The following ERCC3 variants were observed in gnomAD, a reference collection of about 807,000 sequenced individuals.
ERCC3 encodes ERCC excision repair 3, TFIIH core complex helicase subunit.
Under a neutral mutation model 94.2 loss-of-function variants are expected in ERCC3, and 66 were observed. The observed-to-expected ratio is 0.70, with a 90% CI of 0.57 to 0.86. The LOEUF (loss-of-function observed/expected upper bound fraction) is 0.86, where lower values mean the gene tolerates loss of function less well. Among genes scored for constraint, ERCC3 ranks in the 40% least tolerant of loss-of-function variants. The probability of loss-of-function intolerance (pLI) is 0.00; values close to 1 mark genes in which losing one functional copy is unlikely to be tolerated. For synonymous variants in ERCC3, 349 were observed against 369.1 expected (o/e 0.95, Z 0.63); for missense variants, 829 against 987.1 (o/e 0.84, Z 2.15).
chr2:127,267,010 C>G (rs908800198), intron 12 of ERCC3, among the ~76,000 whole-genome samples: 3 of 152,210 alleles, frequency 2.0e-5, no homozygotes, highest in Non-Finnish European at 2.9e-5. Flanking sequence ...GCCACGGCAC[C>G]AGGCCCATGT....
chr2:127,281,955 G>A (rs1301984882), intron 8 of ERCC3, among the ~76,000 whole-genome samples: 1 of 152,104 alleles, frequency 6.6e-6, no homozygotes, highest in Non-Finnish European at 1.5e-5. Flanking sequence ...AACACTGGGG[G>A]ACATACTGAC....
At position 127,259,660 on chromosome 2, in the gene ERCC3, G is replaced by C; in HGVS notation, c.2065-212C>G. ...CTTGACTAATGATCTCAAGACCAGA[G>C]GGATGCAGGAATTTCAGAGAAATCT... On this transcript the variant is annotated intron_variant, in intron 13 of 14. Coordinates refer to ENST00000285398, the MANE Select transcript of ERCC3 (RefSeq NM_000122.2). This position sits in a 1 kb window ranked among gnomAD's most constrained non-coding sequence, Gnocchi z 4.9. 1.7e-6 allele frequency: 1 copy of C among 601,290 alleles called. No homozygotes were observed. The highest frequency in any genetic ancestry group is 1.9e-5 in the South Asian group (1 of 53,360). The allele number at this position is 601,290 out of a possible 1,614,324, so 37.2% of individuals were successfully genotyped here. A position where few individuals can be genotyped will look rare whatever the true frequency, so the allele number is the denominator to read the frequency against.
intron 8 of ERCC3, among the ~76,000 whole-genome samples, chr2:127,285,573 C>T (rs4150425): frequency 0.013 from 2,019 of 152,248 alleles, 22 homozygotes; most frequent in Non-Finnish European, 0.017. Context: ...ACCTGTAATC[C>T]TAGCTACTCG....
Position 127,271,567 on chromosome 2 carries a change from C to G in ERCC3, c.1828-114G>C. The G allele has an allele frequency of 1.2e-6, 1 of 802,058 alleles. No individual in the cohort carries two copies. The highest frequency in any genetic ancestry group is 2.9e-4 in the Middle Eastern group (1 of 3,436). The allele number at this position is 802,058 out of a possible 1,614,324, so 49.7% of individuals were successfully genotyped here. A position where few individuals can be genotyped will look rare whatever the true frequency, so the allele number is the denominator to read the frequency against. ...TGAAACATAATCACTCTTTTCTCCT[C>G]TTTATACCAGGGTCTATCTGATGCA... On this transcript the variant is annotated intron_variant, in intron 11 of 14. Transcript: ENST00000285398. The surrounding 1 kb of genome is among the most constrained non-coding windows in gnomAD (Gnocchi z 5.0).
At chr2:127,260,107 G>A (rs1684146161) in intron 13 of ERCC3, 1 of 158,820 alleles carries the variant, frequency 6.3e-6, no homozygotes, top group South Asian at 1.8e-4. Context: ...ATTCCTAGAA[G>A]TAAGGATCTG....
At chr2:127,281,311 G>A (rs1471827308) in intron 8 of ERCC3, among the ~76,000 whole-genome samples, 2 of 152,048 alleles carry the variant, frequency 1.3e-5, no homozygotes, top group South Asian at 2.1e-4. Context: ...GGAACTGTTC[G>A]CCCAAGCCCT....
intron 8 of ERCC3, among the ~76,000 whole-genome samples, 174 bp downstream of exon 8, chr2:127,286,529 G>C (rs1685071481): frequency 6.6e-6 from 1 of 151,034 alleles, no homozygotes; most frequent in African/African-American, 2.4e-5. Flanking sequence ...TTGGGTGACA[G>C]AGTGAGACTC....
At chr2:127,263,252 T>C (rs1258739821) in intron 12 of ERCC3, among the ~76,000 whole-genome samples, 1 of 152,224 alleles carries the variant, frequency 6.6e-6, no homozygotes, top group Non-Finnish European at 1.5e-5. Context: ...TTTGGGCAGT[T>C]TGGCAATTTT....
Position 127,292,672 on chromosome 2 carries a change from T to C in ERCC3, c.409A>G (p.Thr137Ala), listed in dbSNP as rs759746188. 1 of 1,614,160 alleles carries C rather than the reference T, an allele frequency of 6.2e-7. No individual in the cohort carries two copies. The highest frequency in any genetic ancestry group is 8.5e-7 in the Non-Finnish European group (1 of 1,180,028). ...TTGCTGAGCTTCCTGAGGTACTCGG[T>C]GATGTCACTGGTTTGCAGCCCAACG... ...VSVGLQTSDI[T>A]EYLRKLSKTG... Residue 137 changes from threonine (T) to alanine (A), a missense_variant, in exon 3 of 15, where the codon ACC (threonine) becomes GCC (alanine). Physicochemically the swap from Thr to Ala is moderately conservative, Grantham distance 58. Coordinates refer to ENST00000285398, the MANE Select transcript of ERCC3 (RefSeq NM_000122.2).
At position 127,272,949 on chromosome 2, in the gene ERCC3, G is replaced by A. The variant is rs147061557; in HGVS notation, c.1743C>T (p.Tyr581=). The A allele has an allele frequency of 6.6e-5, 106 of 1,605,328 alleles. No individual in the cohort carries two copies. The East Asian group carries it at 1.0e-3, about 15-fold the overall frequency. ...TCCTTTCCCCCTGAGACGTAGGTCC[G>A]TAGATATAGGGTCTAGAGAAGAATG... ...YAIRLNKPYI[Y]GPTSQGERMQ... is the part of the protein sequence containing the mutation. The change falls in exon 11 of 15, where the codon TAC becomes TAT. Residue 581 remains tyrosine, a synonymous_variant. Transcript: ENST00000285398.
rs374369052 is a variant in ERCC3 at position 127,294,132 on chromosome 2, C to T, written c.-51G>A. 9.8e-5 allele frequency: 157 copies of T among 1,593,956 alleles called. 1 individual carries two copies. The East Asian group carries it at 2.5e-3, about 25-fold the overall frequency. On this transcript the variant is annotated 5_prime_UTR_variant, in exon 1 of 15. Coordinates refer to ENST00000285398, the MANE Select transcript of ERCC3 (RefSeq NM_000122.2). ...TGACCCCGCTCCCACAGGCCCGCCG[C>T]GGCATCCGCTCTGGGGGGACTTCCG...
At chr2:127,275,321 C>T (rs188344967) in intron 10 of ERCC3, among the ~76,000 whole-genome samples, 16 of 152,190 alleles carry the variant, frequency 1.1e-4, no homozygotes, top group East Asian at 3.9e-4. Flanking sequence ...TGAGCCACTG[C>T]GCCTGGCCCG....
In ERCC3 at chr2:127,280,775, C is replaced by T; in HGVS notation, c.1343-144G>A. ...CTCCTGGCCTCAAGCAATCCCCCTG[C>T]CTTCGCCTCCCAAAGTGCTGGGATT... On this transcript the variant is annotated intron_variant, in intron 8 of 14. Coordinates refer to ENST00000285398, the MANE Select transcript of ERCC3 (RefSeq NM_000122.2). The surrounding 1 kb of genome is among the most constrained non-coding windows in gnomAD (Gnocchi z 6.3). 1.4e-6 allele frequency: 1 copy of T among 739,182 alleles called. No individual in the cohort carries two copies. The highest frequency in any genetic ancestry group is 2.3e-6 in the Non-Finnish European group (1 of 437,558). The allele number at this position is 739,182 out of a possible 1,614,324, so 45.8% of individuals were successfully genotyped here. A position where few individuals can be genotyped will look rare whatever the true frequency, so the allele number is the denominator to read the frequency against.
rs1271029657 is a variant in ERCC3, at chr2:127,286,704, T to A, written c.1341A>T (p.Pro447=). The change falls in exon 8 of 15, where the codon CCA becomes CCT. Residue 447 remains proline, a splice_region_variant and synonymous_variant. Coordinates refer to ENST00000285398, the MANE Select transcript of ERCC3 (RefSeq NM_000122.2). ...ACAGCTCAGCTCCAGCCTGCTTACC[T>A]GGTATGGTGTGCACTTCATCCAGGA... is the stretch of plus-strand genomic sequence containing the variant. ...LMILDEVHTI[P]AKMFRRVLTI... 6.2e-7 allele frequency: 1 copy of A among 1,613,882 alleles called. No individual in the cohort carries two copies. Among genetic ancestry groups the A allele is most frequent in the Non-Finnish European group, 8.5e-7 (1 of 1,179,914 alleles).
chr2:127,286,289 G>A (rs1301614896), intron 8 of ERCC3, among the ~76,000 whole-genome samples: 2 of 152,160 alleles, frequency 1.3e-5, no homozygotes, highest in African/African-American at 4.8e-5. Flanking sequence ...GGTGGCTCAC[G>A]CCTGTAATCC....
At chr2:127,294,026 G>C (rs765514615) in intron 1 of ERCC3, 28 bp downstream of exon 1, 1 of 1,602,688 alleles carries the variant, frequency 6.2e-7, no homozygotes, top group Non-Finnish European at 8.5e-7. Context: ...GGGCAGTCGT[G>C]GCTGAGCGTG....
chr2:127,265,114 T>C (rs1335619540), intron 12 of ERCC3, among the ~76,000 whole-genome samples: 3 of 152,164 alleles, frequency 2.0e-5, no homozygotes, highest in East Asian at 1.9e-4. Context: ...TCCAAAGTGC[T>C]GGGATTAGAG....
At chr2:127,270,018 C>CTCAA (rs5834172) in intron 12 of ERCC3, among the ~76,000 whole-genome samples, 44,010 of 150,392 alleles carry the variant, frequency 0.29, 7,014 homozygotes, top group East Asian at 0.56. Flanking sequence ...AAGACTCTAT[C>CTCAA]TCAATCAATC....
At position 127,294,092 on chromosome 2, in the gene ERCC3, G is replaced by A; in HGVS notation, c.-11C>T. The A allele has an allele frequency of 6.2e-7, 1 of 1,607,252 alleles. No individual in the cohort carries two copies. The highest frequency in any genetic ancestry group is 8.5e-7 in the Non-Finnish European group (1 of 1,179,468). On this transcript the variant is annotated 5_prime_UTR_variant, in exon 1 of 15. Coordinates refer to ENST00000285398, the MANE Select transcript of ERCC3 (RefSeq NM_000122.2). The stretch of plus-strand genomic sequence containing the variant: ...GTCTCTTTTGCCCATGGCAGCTACA[G>A]CAGCAGAGAGAAGATGACCCCGCTC...
Sources: allele counts gnomAD v4.1 joint callset (sites outside exome capture counted in the v4.1 genomes callset), GRCh38; gene constraint gnomAD v4.1.1; non-coding constraint Gnocchi (gnomAD v3.1); transcripts MANE v1.5; gene names NCBI Gene and HGNC (gene_info 2026-07-23, HGNC 2026-07-21).